Variants in SCFD1 observed in about 807,000 individuals in gnomAD.
SCFD1 encodes the protein sec1 family domain-containing protein 1.
Under a neutral mutation model 103.2 loss-of-function variants are expected in SCFD1, and 37 were observed. The observed-to-expected ratio is 0.36, with a 90% CI of 0.28 to 0.47. The LOEUF (loss-of-function observed/expected upper bound fraction) is 0.47, where lower values mean the gene tolerates loss of function less well. Ranked by LOEUF, SCFD1 falls within the 20% of genes least tolerant of loss-of-function variation. The pLI is 1.00. For synonymous variants in SCFD1, 264 were observed against 245.0 expected (o/e 1.08, Z -0.73); for missense variants, 639 against 761.2 (o/e 0.84, Z 1.89).
chr14:30,708,208 C>G (rs1230941767), intron 19 of SCFD1, 143 bp downstream of exon 19: 19 of 606,328 alleles, frequency 3.1e-5, no homozygotes, highest in Non-Finnish European at 5.5e-5. Flanking sequence ...TTTTTAAGTT[C>G]TGGGGTACAT....
intron 10 of SCFD1, among the ~76,000 whole-genome samples, chr14:30,668,293 T>A (rs1391336571): frequency 2.0e-5 from 3 of 152,180 alleles, no homozygotes; most frequent in Non-Finnish European, 4.4e-5. Flanking sequence ...AAACAAGAAA[T>A]GGGGAATGGG....
chr14:30,682,786 T>G (rs953472777), intron 14 of SCFD1, among the ~76,000 whole-genome samples: 3 of 152,114 alleles, frequency 2.0e-5, no homozygotes, highest in African/African-American at 4.8e-5. Flanking sequence ...ATATAAACAG[T>G]CTTCAGCTTA....
intron 1 of SCFD1, 84 bp downstream of exon 1, chr14:30,622,483 G>T: frequency 1.3e-6 from 2 of 1,506,796 alleles, no homozygotes; most frequent in Non-Finnish European, 8.9e-7. Flanking sequence ...CTCAGAGACC[G>T]ATCTCCAGGA....
At chr14:30,663,315 A>G (rs1310470760) in intron 10 of SCFD1, among the ~76,000 whole-genome samples, 1 of 152,166 alleles carries the variant, frequency 6.6e-6, no homozygotes, top group East Asian at 1.9e-4. Flanking sequence ...ATAAAACTTA[A>G]CTGTTTAAAG....
rs190197896 is a variant in SCFD1 at position 30,643,916 on chromosome 14, A to T, written c.613+511A>T. 63 of 456,420 alleles carry T rather than the reference A, an allele frequency of 1.4e-4. No homozygotes were observed. In the East Asian group the frequency reaches 3.3e-3, roughly 24 times the overall value. 28.3% of individuals were successfully genotyped at this position (456,420 alleles called of 1,614,324 possible). The stretch of plus-strand genomic sequence containing the variant: ...ACATGTGCAAGTTTGTTACATGGGT[A>T]AATTGCGTGTCACTGGGGTTTGGTG... On this transcript the variant is annotated intron_variant, in intron 7 of 24. Transcript: ENST00000458591.
At chr14:30,632,357 C>T (rs1315603993) in intron 3 of SCFD1, among the ~76,000 whole-genome samples, 2 of 151,928 alleles carry the variant, frequency 1.3e-5, no homozygotes, top group East Asian at 3.8e-4. Context: ...TCCAAATGTC[C>T]TTTTTTACAT....
At chr14:30,667,590 C>G (rs1328377675) in intron 10 of SCFD1, among the ~76,000 whole-genome samples, 1 of 151,976 alleles carries the variant, frequency 6.6e-6, no homozygotes. Context: ...AAAGGGTATT[C>G]AATTAGGAAA....
At chr14:30,724,433 A>G (rs1482410348) in intron 23 of SCFD1, among the ~76,000 whole-genome samples, 2 of 151,712 alleles carry the variant, frequency 1.3e-5, no homozygotes, top group South Asian at 4.2e-4. Context: ...TTGTATTTTT[A>G]GTAGACACGG....
At chr14:30,698,670 T>A (rs1351386057) in intron 15 of SCFD1, among the ~76,000 whole-genome samples, 1 of 152,018 alleles carries the variant, frequency 6.6e-6, no homozygotes, top group East Asian at 1.9e-4. Context: ...TGATCATAGT[T>A]GCGGCAGTTA....
At chr14:30,653,648 A>T (rs144128327) in intron 10 of SCFD1, 60 bp downstream of exon 10, 1 of 1,154,242 alleles carries the variant, frequency 8.7e-7, no homozygotes, top group East Asian at 2.4e-5. Context: ...GTTCCCTTTA[A>T]TTTAAAATTA....
intron 19 of SCFD1, among the ~76,000 whole-genome samples, chr14:30,710,383 CAG>C (rs923452461): frequency 6.2e-5 from 8 of 128,814 alleles, no homozygotes; most frequent in Admixed American, 8.3e-5. Context: ...TAGGTATTGA[CAG>C]GGGGTAGGAA....
chr14:30,706,915 G>T (rs929650760), intron 18 of SCFD1, among the ~76,000 whole-genome samples: 1 of 152,140 alleles, frequency 6.6e-6, no homozygotes, highest in East Asian at 1.9e-4. Flanking sequence ...ACAGTGCTGC[G>T]CAGGTTAGCA....
chr14:30,632,986 C>T (rs776635703), intron 3 of SCFD1, among the ~76,000 whole-genome samples: 20 of 152,222 alleles, frequency 1.3e-4, no homozygotes, highest in Non-Finnish European at 2.4e-4. Flanking sequence ...TTGCCTCCAA[C>T]CATTCTCCTC....
chr14:30,735,197 C>T, intron 24 of SCFD1: 1 of 285,906 alleles, frequency 3.5e-6, no homozygotes. Context: ...TTTTTTAATT[C>T]CCAGGGTTTT....
intron 14 of SCFD1, chr14:30,683,281 A>C: frequency 1.1e-6 from 1 of 932,306 alleles, no homozygotes. Context: ...CTGGGTGTCC[A>C]CACTGGGATA....
chr14:30,704,186 T>C (rs1311288221), intron 17 of SCFD1, among the ~76,000 whole-genome samples: 1 of 151,876 alleles, frequency 6.6e-6, no homozygotes, highest in Non-Finnish European at 1.5e-5. Context: ...TGACAGATTT[T>C]TTTTCTAGAG....
chr14:30,642,605 G>A (rs1175895296), intron 6 of SCFD1, among the ~76,000 whole-genome samples: 1 of 152,174 alleles, frequency 6.6e-6, no homozygotes. Flanking sequence ...GATATGCAAT[G>A]TTGGTTGTGC....
At chr14:30,674,380 C>T (rs1363237768) in intron 13 of SCFD1, among the ~76,000 whole-genome samples, 2 of 151,994 alleles carry the variant, frequency 1.3e-5, no homozygotes, top group Non-Finnish European at 2.9e-5. Flanking sequence ...CGGTAGCTCA[C>T]GCCTGTAATC....
chr14:30,718,273 T>G (rs541246363), intron 20 of SCFD1, among the ~76,000 whole-genome samples: 1 of 152,328 alleles, frequency 6.6e-6, no homozygotes, highest in South Asian at 2.1e-4. Context: ...TGCTTGGTGC[T>G]CATTCCAGCA....
Sources: allele counts gnomAD v4.1 joint callset (sites outside exome capture counted in the v4.1 genomes callset), GRCh38; gene constraint gnomAD v4.1.1; transcripts MANE v1.5; gene names NCBI Gene and HGNC (gene_info 2026-07-23, HGNC 2026-07-21).